The following ENPP3 variants were observed in gnomAD, a reference collection of about 807,000 sequenced individuals.
ENPP3 encodes ectonucleotide pyrophosphatase/phosphodiesterase family member 3.
ENPP3 carries 104 observed loss-of-function variants against 117.8 expected under a neutral mutation model. The ratio of observed to expected loss-of-function variants is 0.88; its 90% CI spans 0.75 to 1.04. The LOEUF (loss-of-function observed/expected upper bound fraction) is 1.04. ENPP3 is among the 50% of genes least tolerant of loss of function. The probability of loss-of-function intolerance (pLI) is 0.00; values close to 1 mark genes in which losing one functional copy is unlikely to be tolerated. For missense variants in ENPP3, 1,026 were observed against 1,051.9 expected (o/e 0.98, Z 0.34); for synonymous variants, 380 against 349.9 (o/e 1.09, Z -0.96).
At chr6:131,650,429 C>A (rs913443300) in intron 3 of ENPP3, among the ~76,000 whole-genome samples, 1 of 152,020 alleles carries the variant, frequency 6.6e-6, no homozygotes, top group African/African-American at 2.4e-5. Context: ...CACCATGTTG[C>A]CTAGGCTGGT....
At chr6:131,677,301 A>T (rs1047991959) in intron 10 of ENPP3, among the ~76,000 whole-genome samples, 5 of 152,318 alleles carry the variant, frequency 3.3e-5, no homozygotes, top group East Asian at 1.9e-4. Flanking sequence ...GGTTGACATT[A>T]TTGAACAACA....
chr6:131,639,510 C>T (rs937905272), intron 1 of ENPP3, among the ~76,000 whole-genome samples: 1 of 152,032 alleles, frequency 6.6e-6, no homozygotes, highest in East Asian at 1.9e-4. Context: ...TCATTAATTT[C>T]CCTTCTTTGT....
intron 23 of ENPP3, among the ~76,000 whole-genome samples, chr6:131,739,352 C>G (rs1031223540): frequency 6.6e-6 from 1 of 151,982 alleles, no homozygotes. Flanking sequence ...GGATTTATCC[C>G]CATGTCTACA....
chr6:131,716,555 G>A (rs918899531), intron 15 of ENPP3, among the ~76,000 whole-genome samples: 1 of 150,914 alleles, frequency 6.6e-6, no homozygotes, highest in Non-Finnish European at 1.5e-5. Context: ...TTTCATTAAT[G>A]AACATTCTAG....
At chr6:131,740,787 A>G (rs2114579685) in intron 24 of ENPP3, among the ~76,000 whole-genome samples, 1 of 152,218 alleles carries the variant, frequency 6.6e-6, no homozygotes, top group East Asian at 1.9e-4. Context: ...CATATCTACC[A>G]CTTTAAACAT....
chr6:131,725,668 T>C (rs1780140040), intron 19 of ENPP3, among the ~76,000 whole-genome samples: 1 of 152,186 alleles, frequency 6.6e-6, no homozygotes, highest in South Asian at 2.1e-4. Flanking sequence ...GTCATCTTTG[T>C]TACAAAGTAT....
At chr6:131,649,075 T>C (rs1016647618) in intron 2 of ENPP3, among the ~76,000 whole-genome samples, 1 of 152,234 alleles carries the variant, frequency 6.6e-6, no homozygotes, top group African/African-American at 2.4e-5. Context: ...TATATAAAGC[T>C]GAACTGAAAC....
At chr6:131,673,267 A>T (rs555554412) in intron 7 of ENPP3, among the ~76,000 whole-genome samples, 9 of 152,116 alleles carry the variant, frequency 5.9e-5, no homozygotes, top group Non-Finnish European at 1.3e-4. Flanking sequence ...CTAACTGTGG[A>T]TTGAAAATAT....
intron 15 of ENPP3, among the ~76,000 whole-genome samples, chr6:131,696,132 A>G (rs1254364554): frequency 6.6e-6 from 1 of 152,196 alleles, no homozygotes; most frequent in Non-Finnish European, 1.5e-5. Context: ...TATTTTACCT[A>G]AAATGTGTTA....
chr6:131,741,663 C>G (rs1156811724), intron 24 of ENPP3, among the ~76,000 whole-genome samples: 1 of 151,958 alleles, frequency 6.6e-6, no homozygotes, highest in Non-Finnish European at 1.5e-5. Flanking sequence ...AAAGGAAACT[C>G]AAAGATGAAT....
chr6:131,649,042 G>T (rs1395645248), intron 2 of ENPP3, among the ~76,000 whole-genome samples: 1 of 152,070 alleles, frequency 6.6e-6, no homozygotes, highest in Non-Finnish European at 1.5e-5. Context: ...GTCATCCTTG[G>T]CTCATGCCTT....
intron 18 of ENPP3, 46 bp from the exon 19 acceptor site, chr6:131,723,994 G>T (rs1562474875): frequency 7.1e-7 from 1 of 1,411,210 alleles, no homozygotes; most frequent in African/African-American, 1.4e-5. Flanking sequence ...ACATATTGTT[G>T]CTTTGACTTA....
At chr6:131,666,444 T>C (rs990714089) in intron 6 of ENPP3, among the ~76,000 whole-genome samples, 3 of 152,194 alleles carry the variant, frequency 2.0e-5, no homozygotes, top group African/African-American at 7.2e-5. Context: ...CTATAAACTT[T>C]CTGGTTCTTT....
chr6:131,739,412 C>T (rs1192766751), intron 23 of ENPP3, among the ~76,000 whole-genome samples: 2 of 152,044 alleles, frequency 1.3e-5, no homozygotes, highest in African/African-American at 4.8e-5. Context: ...TGAGGAAACT[C>T]GAAACTCGGT....
Position 131,674,180 on chromosome 6 carries a change from C to G in ENPP3, c.661C>G (p.His221Asp). Residue 221 changes from histidine (H) to aspartate (D), a missense_variant, in exon 8 of 25, where the codon CAT becomes GAT. His to Asp is a moderately conservative substitution (Grantham distance 81). Coordinates refer to ENST00000357639, the MANE Select transcript of ENPP3 (RefSeq NM_005021.5). ...TIVTGLYPES[H>D]GIIDNNMYDV... Reference sequence around the variant, plus strand: ...ATTTTAGGGCTTGTATCCAGAGTCACATGGCATCATTGACAATAATATGTA... The same window carrying G: ...ATTTTAGGGCTTGTATCCAGAGTCAGATGGCATCATTGACAATAATATGTA... 1 of 1,552,176 alleles carries G rather than the reference C, an allele frequency of 6.4e-7. No homozygotes were observed. Among genetic ancestry groups the G allele is most frequent in the Non-Finnish European group, 8.9e-7 (1 of 1,125,594 alleles).
At chr6:131,743,291 TATAAAAC>T (rs1339585889) in intron 24 of ENPP3, among the ~76,000 whole-genome samples, 1 of 96,886 alleles carries the variant, frequency 1.0e-5, no homozygotes, top group Admixed American at 9.1e-5. Context: ...TGAGAAATAG[TATAAAAC>T]AGAACTTAAA....
chr6:131,688,518 G>A (rs188343120), intron 14 of ENPP3, among the ~76,000 whole-genome samples: 29 of 152,302 alleles, frequency 1.9e-4, no homozygotes, highest in Non-Finnish European at 3.4e-4. Context: ...TGAAGAAAAT[G>A]AGAAGTGCTA....
At chr6:131,697,208 G>A (rs1175570810) in intron 15 of ENPP3, among the ~76,000 whole-genome samples, 1 of 152,210 alleles carries the variant, frequency 6.6e-6, no homozygotes, top group Non-Finnish European at 1.5e-5. Flanking sequence ...AAGCCATCAT[G>A]TGTACAAAGG....
intron 11 of ENPP3, among the ~76,000 whole-genome samples, chr6:131,680,291 G>C (rs1778996511): frequency 6.6e-6 from 1 of 152,112 alleles, no homozygotes; most frequent in African/African-American, 2.4e-5. Context: ...AGGGGGTTGG[G>C]GGATCAAGAT....
Sources: gnomAD v4.1 joint callset for allele counts (sites outside exome capture counted in the v4.1 genomes callset) on GRCh38, gnomAD v4.1.1 for gene constraint, MANE v1.5 for transcripts, NCBI Gene and HGNC (gene_info 2026-07-23, HGNC 2026-07-21) for gene names.